COL4A1: variants seen among roughly 807,000 people sequenced by gnomAD.
COL4A1 encodes collagen type IV alpha 1 chain.
A neutral mutation model predicts 216.6 loss-of-function variants in COL4A1; 40 were observed. The observed-to-expected ratio is 0.18, with a 90% CI of 0.14 to 0.24. The LOEUF is 0.24. Among genes scored for constraint, COL4A1 ranks in the 10% least tolerant of loss-of-function variants. COL4A1 has a pLI of 1.00. For missense variants in COL4A1, 1,628 were observed against 2,196.8 expected, an observed-to-expected ratio of 0.74 and a Z score of 5.18; for synonymous variants, 839 against 810.7, an observed-to-expected ratio of 1.03 and a Z score of -0.59.
At chr13:110,219,884 ATATG>A (rs148038117) in intron 2 of COL4A1, among the ~76,000 whole-genome samples, 17,560 of 115,358 alleles carry the variant, frequency 0.15, 1,538 homozygotes, top group Middle Eastern at 0.21. Flanking sequence ...ATATGTATAT[ATATG>A]TGTGTATATA....
At chr13:110,184,962 G>C (rs1410638052) in intron 26 of COL4A1, among the ~76,000 whole-genome samples, 2 of 151,586 alleles carry the variant, frequency 1.3e-5, no homozygotes, top group Non-Finnish European at 2.9e-5. Flanking sequence ...GAGCCAGCGT[G>C]CCCAGCCTAT....
At chr13:110,227,405 C>T (rs1488324364) in intron 2 of COL4A1, among the ~76,000 whole-genome samples, 4 of 144,686 alleles carry the variant, frequency 2.8e-5, no homozygotes, top group Admixed American at 1.4e-4. Flanking sequence ...CACACACACA[C>T]ACACACACAC....
intron 1 of COL4A1, chr13:110,266,097 G>A (rs568183057): frequency 1.3e-5 from 2 of 152,100 alleles, no homozygotes; most frequent in African/African-American, 4.8e-5. Flanking sequence ...GCCCGCGCGG[G>A]GGGTGCCGCA....
At chr13:110,175,412 A>C in intron 36 of COL4A1, 55 bp from the exon 37 acceptor site, 3 of 1,609,794 alleles carry the variant, frequency 1.9e-6, no homozygotes, top group Non-Finnish European at 2.5e-6. Context: ...CTGGTATTAC[A>C]AATGAAAAAG....
chr13:110,287,758 G>C (rs1196066667), intron 1 of COL4A1, among the ~76,000 whole-genome samples: 1 of 152,214 alleles, frequency 6.6e-6, no homozygotes, highest in African/African-American at 2.4e-5. Flanking sequence ...GCACATGAGA[G>C]CCCAACACTG....
chr13:110,279,461 T>C (rs775923781), intron 1 of COL4A1, among the ~76,000 whole-genome samples: 4 of 152,210 alleles, frequency 2.6e-5, no homozygotes, highest in Non-Finnish European at 5.9e-5. Flanking sequence ...TGTAAGCTCC[T>C]TGAATGTGCA....
At chr13:110,200,832 C>T (rs759471894) in intron 20 of COL4A1, 22 bp downstream of exon 20, 8 of 1,612,748 alleles carry the variant, frequency 5.0e-6, no homozygotes, top group South Asian at 1.1e-5. Flanking sequence ...TATGCTATAA[C>T]AAATCAGTTA....
intron 26 of COL4A1, 76 bp from the exon 27 acceptor site, chr13:110,183,352 G>A (rs1444061113): frequency 9.9e-6 from 14 of 1,411,226 alleles, no homozygotes; most frequent in Non-Finnish European, 1.4e-5. Flanking sequence ...CACGCAGTGG[G>A]TGGGCTGCAC....
intron 2 of COL4A1, among the ~76,000 whole-genome samples, chr13:110,229,115 C>G (rs754736225): frequency 3.3e-5 from 5 of 152,216 alleles, no homozygotes; most frequent in Non-Finnish European, 7.3e-5. Context: ...GAATACATCA[C>G]CGAAAACATA....
chr13:110,162,138 C>T, intron 48 of COL4A1, 92 bp downstream of exon 48: 1 of 1,182,620 alleles, frequency 8.5e-7, no homozygotes, highest in East Asian at 2.3e-5. Context: ...CTACTGCCCT[C>T]ACTGCAGCAG....
intron 1 of COL4A1, among the ~76,000 whole-genome samples, chr13:110,252,461 CATATAATTATATGTATT>C (rs1882124672): frequency 3.8e-5 from 1 of 26,510 alleles, no homozygotes; most frequent in South Asian, 1.1e-3. Context: ...GTATTATATA[CATATAATTATATGTATT>C]ATATATACGT....
At chr13:110,252,454 TTATATACATATAATTATATGTATTA>T (rs770676946) in intron 1 of COL4A1, among the ~76,000 whole-genome samples, 20,224 of 46,968 alleles carry the variant, frequency 0.43, 6,982 homozygotes, top group Non-Finnish European at 0.53. Flanking sequence ...CGTATATGTA[TTATATACATATAATTATATGTATTA>T]TATATACGTA....
intron 29 of COL4A1, among the ~76,000 whole-genome samples, chr13:110,180,501 C>T (rs1345825670): frequency 6.6e-6 from 1 of 152,248 alleles, no homozygotes; most frequent in Non-Finnish European, 1.5e-5. Flanking sequence ...GCAGGCCCCA[C>T]CTGGGTCCAT....
In COL4A1 at chr13:110,211,848, C is replaced by T; in HGVS notation, c.441+21G>A. 6.2e-7 allele frequency: 1 copy of T among 1,613,486 alleles called. No individual in the cohort carries two copies. The highest frequency in any genetic ancestry group is 8.5e-7 in the Non-Finnish European group (1 of 1,179,576). ...TCATAACTAAAAGAAAGAAGTTCTGCCCTAAATAACCTCTACTCACGGGAT... is the reference window on the plus strand; with the variant it reads ...TCATAACTAAAAGAAAGAAGTTCTGTCCTAAATAACCTCTACTCACGGGAT... On this transcript the variant is annotated intron_variant, in intron 7 of 51. Transcript: ENST00000375820. The surrounding 1 kb of genome is among the most constrained non-coding windows in gnomAD (Gnocchi z 4.3).
chr13:110,256,110 G>T (rs1882553623), intron 1 of COL4A1, among the ~76,000 whole-genome samples: 1 of 151,648 alleles, frequency 6.6e-6, no homozygotes, highest in African/African-American at 2.4e-5. Context: ...ATACCTAACT[G>T]TTTTAAAATC....
At chr13:110,236,626 C>T (rs1218764449) in intron 2 of COL4A1, among the ~76,000 whole-genome samples, 2 of 152,114 alleles carry the variant, frequency 1.3e-5, no homozygotes, top group African/African-American at 4.8e-5. Context: ...CCTGGGTAAT[C>T]GCGGAGACAC....
At chr13:110,154,638 G>A (rs552760683) in intron 50 of COL4A1, among the ~76,000 whole-genome samples, 29 of 152,332 alleles carry the variant, frequency 1.9e-4, no homozygotes, top group African/African-American at 5.8e-4. Context: ...TAGAGAAACC[G>A]GTCATATACA....
At chr13:110,174,788 C>T in intron 37 of COL4A1, 39 bp from the exon 38 acceptor site, 3 of 1,595,914 alleles carry the variant, frequency 1.9e-6, no homozygotes, top group Non-Finnish European at 2.6e-6. Flanking sequence ...TTACATTTGT[C>T]CATGGGCATG....
At chr13:110,248,169 G>T (rs113710733) in intron 1 of COL4A1, among the ~76,000 whole-genome samples, 1 of 152,144 alleles carries the variant, frequency 6.6e-6, no homozygotes, top group Non-Finnish European at 1.5e-5. Context: ...GCTCTTCCTG[G>T]TTGCAGCACT....
Sources: allele counts gnomAD v4.1 joint callset (sites outside exome capture counted in the v4.1 genomes callset), GRCh38; gene constraint gnomAD v4.1.1; non-coding constraint Gnocchi (gnomAD v3.1); transcripts MANE v1.5; gene names NCBI Gene and HGNC (gene_info 2026-07-23, HGNC 2026-07-21).